Variants in DOK6 observed in about 807,000 individuals in gnomAD.
The protein encoded by DOK6 is docking protein 6.
A neutral mutation model predicts 44.0 loss-of-function variants in DOK6; 22 were observed. The ratio of observed to expected loss-of-function variants is 0.50; its 90% confidence interval spans 0.36 to 0.71. The LOEUF (loss-of-function observed/expected upper bound fraction) is 0.71. DOK6 is among the 30% of genes least tolerant of loss of function. The pLI is 0.00. For missense variants in DOK6, 340 were observed against 416.4 expected, an observed-to-expected ratio of 0.82 and a Z score of 1.60; for synonymous variants, 166 against 145.5, an observed-to-expected ratio of 1.14 and a Z score of -1.01.
intron 6 of DOK6, among the ~76,000 whole-genome samples, chr18:69,742,183 G>A (rs1365078392): frequency 1.3e-5 from 2 of 152,096 alleles, no homozygotes; most frequent in Admixed American, 1.3e-4. Context: ...AGGAGGCCGA[G>A]GCAGGCAGAT....
intron 5 of DOK6, among the ~76,000 whole-genome samples, chr18:69,721,783 A>G (rs1978289054): frequency 6.6e-6 from 1 of 152,232 alleles, no homozygotes; most frequent in African/African-American, 2.4e-5. Context: ...AACTTACTGA[A>G]GAATTATTTT....
intron 2 of DOK6, among the ~76,000 whole-genome samples, chr18:69,565,401 T>C (rs550380976): frequency 1.3e-5 from 2 of 152,218 alleles, no homozygotes; most frequent in Admixed American, 1.3e-4. Flanking sequence ...TTATTATTAT[T>C]AGTTATGAAT....
intron 1 of DOK6, among the ~76,000 whole-genome samples, chr18:69,429,663 A>ATATATATATATATC (rs5825937): frequency 1.0e-4 from 11 of 110,172 alleles, no homozygotes; most frequent in Non-Finnish European, 2.1e-4. Context: ...ATATATATAT[A>ATATATATATATATC]TCTTATTAAT....
chr18:69,558,356 T>C (rs1484442969), intron 1 of DOK6, among the ~76,000 whole-genome samples: 5 of 152,176 alleles, frequency 3.3e-5, no homozygotes, highest in African/African-American at 1.2e-4. Context: ...TGACACAGAA[T>C]GACACTTGCA....
At chr18:69,591,839 A>G (rs1983629178) in intron 2 of DOK6, among the ~76,000 whole-genome samples, 3 of 152,106 alleles carry the variant, frequency 2.0e-5, no homozygotes, top group Admixed American at 1.3e-4. Context: ...GCTTAGAGAA[A>G]GAATCAAAGG....
At chr18:69,715,985 A>G (rs7242717) in intron 5 of DOK6, among the ~76,000 whole-genome samples, 13,400 of 152,296 alleles carry the variant, frequency 0.088, 671 homozygotes, top group Admixed American at 0.14. Flanking sequence ...AAACAAAACC[A>G]TTCGTTATTC....
chr18:69,455,065 AAAAAGAAAAG>A (rs141466493), intron 1 of DOK6, among the ~76,000 whole-genome samples: 26,259 of 148,960 alleles, frequency 0.18, 2,652 homozygotes, highest in South Asian at 0.3. Context: ...ATAATAAAAA[AAAAAGAAAAG>A]AAAAGAAAAG....
chr18:69,714,203 T>C (rs753551390), intron 5 of DOK6, among the ~76,000 whole-genome samples: 21 of 152,244 alleles, frequency 1.4e-4, no homozygotes, highest in Non-Finnish European at 2.4e-4. Flanking sequence ...GTACAGCTTC[T>C]GGATTTAGGA....
chr18:69,523,345 A>G (rs928458841), intron 1 of DOK6, among the ~76,000 whole-genome samples: 4 of 152,118 alleles, frequency 2.6e-5, no homozygotes, highest in Admixed American at 6.6e-5. Context: ...ATTTGATTGG[A>G]GTATTTATAC....
At chr18:69,461,851 C>T (rs962306798) in intron 1 of DOK6, among the ~76,000 whole-genome samples, 5 of 152,106 alleles carry the variant, frequency 3.3e-5, no homozygotes, top group African/African-American at 1.2e-4. Flanking sequence ...TCCTCTCTTA[C>T]CATCTTGTGG....
rs1982412830 is a variant in DOK6, at chr18:69,848,970, T to G, written c.*7587T>G. On this transcript the variant is annotated 3_prime_UTR_variant, in exon 8 of 8. Coordinates refer to ENST00000382713, the MANE Select transcript of DOK6 (RefSeq NM_152721.6). ...TATCATGTGATGAAATGTAACTATG[T>G]AATTAAACAAAATTCTGACAATCAT... The G allele has an allele frequency of 6.6e-6, 1 of 152,250 alleles. No homozygotes were observed. Among genetic ancestry groups the G allele is most frequent in the Non-Finnish European group, 1.5e-5 (1 of 68,044 alleles). The allele number at this position is 152,250 out of a possible 1,614,324, so 9.4% of individuals were successfully genotyped here.
chr18:69,439,565 A>G (rs1979080024), intron 1 of DOK6, among the ~76,000 whole-genome samples: 1 of 152,258 alleles, frequency 6.6e-6, no homozygotes, highest in Non-Finnish European at 1.5e-5. Context: ...TGCAGCTCCT[A>G]CATCAGCACT....
chr18:69,426,577 T>C (rs983596091), intron 1 of DOK6, among the ~76,000 whole-genome samples: 1 of 152,152 alleles, frequency 6.6e-6, no homozygotes, highest in Non-Finnish European at 1.5e-5. Flanking sequence ...TTGTAGATCA[T>C]GAGTATGCCA....
intron 1 of DOK6, among the ~76,000 whole-genome samples, chr18:69,547,453 G>C (rs1387452456): frequency 6.6e-6 from 1 of 151,184 alleles, no homozygotes; most frequent in Non-Finnish European, 1.5e-5. Context: ...CTATCACAAG[G>C]CTAGCACCAA....
At chr18:69,511,994 G>T (rs1423136448) in intron 1 of DOK6, among the ~76,000 whole-genome samples, 5 of 152,098 alleles carry the variant, frequency 3.3e-5, no homozygotes, top group Non-Finnish European at 7.4e-5. Context: ...TTATGTTTGG[G>T]CAGATGCTTG....
At chr18:69,831,947 T>C (rs898092284) in intron 7 of DOK6, among the ~76,000 whole-genome samples, 4 of 150,926 alleles carry the variant, frequency 2.7e-5, no homozygotes, top group South Asian at 2.1e-4. Flanking sequence ...GTGGAGTCTC[T>C]AGATTTTTCT....
intron 5 of DOK6, among the ~76,000 whole-genome samples, chr18:69,736,672 T>C (rs1468360657): frequency 6.6e-6 from 1 of 152,218 alleles, no homozygotes; most frequent in African/African-American, 2.4e-5. Flanking sequence ...GTTTTAGCTT[T>C]TCCCAAGTTA....
intron 1 of DOK6, among the ~76,000 whole-genome samples, chr18:69,549,884 T>G (rs533709416): frequency 7.2e-4 from 108 of 150,478 alleles, no homozygotes; most frequent in African/African-American, 2.6e-3. Flanking sequence ...TTTTTTTTTT[T>G]GCCTATCTAG....
chr18:69,443,057 A>G (rs1382272420), intron 1 of DOK6, among the ~76,000 whole-genome samples: 1 of 152,190 alleles, frequency 6.6e-6, no homozygotes, highest in Non-Finnish European at 1.5e-5. Context: ...CATTTGGTAT[A>G]CCAAAGATAC....
Sources: allele counts gnomAD v4.1 joint callset (sites outside exome capture counted in the v4.1 genomes callset), GRCh38; gene constraint gnomAD v4.1.1; transcripts MANE v1.5; gene names NCBI Gene and HGNC (gene_info 2026-07-23, HGNC 2026-07-21).